Variants in PLCL1 observed in about 807,000 individuals in gnomAD.
PLCL1 encodes phospholipase C like 1 (inactive), also known as inactive phospholipase C-like protein 1.
A neutral mutation model predicts 84.4 loss-of-function variants in PLCL1; 41 were observed. That is an observed-to-expected ratio of 0.49 (90% CI 0.38 to 0.63). The LOEUF (loss-of-function observed/expected upper bound fraction) is 0.63, where lower values mean the gene tolerates loss of function less well. PLCL1 is among the 30% of genes least tolerant of loss of function. PLCL1 has a pLI of 0.00. For missense variants in PLCL1, 1,206 were observed against 1,367.8 expected (o/e 0.88, Z 1.87); for synonymous variants, 490 against 488.3 (o/e 1.00, Z -0.05).
chr2:198,087,354 A>G (rs1053770104), intron 2 of PLCL1, among the ~76,000 whole-genome samples: 1 of 151,542 alleles, frequency 6.6e-6, no homozygotes, highest in African/African-American at 2.4e-5. Flanking sequence ...ACAGTGGTAA[A>G]CTTAAAAAAA....
rs190244675 is a variant in PLCL1, at chr2:198,121,565, C to T, written c.3105+17629C>T. 3.9e-5 allele frequency among the ~76,000 whole-genome samples: 6 copies of T among 152,130 alleles called. No individual in the cohort carries two copies. The East Asian group carries it at 1.2e-3, about 29-fold the overall frequency. ...CCAGCACCATTATTGAAGAGACTGT[C>T]TCTTCCCCATTGTATGTTCGTGGCA... On this transcript the variant is annotated intron_variant, in intron 5 of 5. Coordinates refer to ENST00000428675, the MANE Select transcript of PLCL1 (RefSeq NM_006226.4).
intron 1 of PLCL1, among the ~76,000 whole-genome samples, chr2:198,015,081 A>T (rs1253487178): frequency 6.6e-6 from 1 of 152,144 alleles, no homozygotes; most frequent in Non-Finnish European, 1.5e-5. Context: ...GTGGAAGATA[A>T]AATGAAGAAA....
chr2:198,117,706 C>T (rs992568151), intron 5 of PLCL1, among the ~76,000 whole-genome samples: 2 of 151,834 alleles, frequency 1.3e-5, no homozygotes, highest in African/African-American at 2.4e-5. Context: ...AAAAACAAAG[C>T]TAGCGTATAA....
At chr2:197,845,639 A>G (rs1687105134) in intron 1 of PLCL1, among the ~76,000 whole-genome samples, 3 of 152,106 alleles carry the variant, frequency 2.0e-5, no homozygotes, top group African/African-American at 7.2e-5. Context: ...ATAAACATAT[A>G]TCTTTACCAC....
At chr2:198,068,117 T>A (rs191637064) in intron 1 of PLCL1, among the ~76,000 whole-genome samples, 5 of 152,320 alleles carry the variant, frequency 3.3e-5, no homozygotes, top group Admixed American at 3.3e-4. Context: ...TTAAAGAGAT[T>A]AATTAGAGCT....
At chr2:197,966,801 G>A (rs1018658648) in intron 1 of PLCL1, among the ~76,000 whole-genome samples, 1 of 151,346 alleles carries the variant, frequency 6.6e-6, no homozygotes, top group African/African-American at 2.4e-5. Flanking sequence ...GATGATTGAT[G>A]GAGGCTACTA....
At chr2:198,006,312 G>A (rs1559071601) in intron 1 of PLCL1, among the ~76,000 whole-genome samples, 1 of 152,170 alleles carries the variant, frequency 6.6e-6, no homozygotes, top group Non-Finnish European at 1.5e-5. Context: ...GTGGGCATGT[G>A]TGCTTGCATA....
intron 3 of PLCL1, among the ~76,000 whole-genome samples, chr2:198,096,013 G>C (rs538152080): frequency 6.6e-6 from 1 of 152,180 alleles, no homozygotes; most frequent in African/African-American, 2.4e-5. Flanking sequence ...ATGCCATTTT[G>C]TATATGTCTT....
Position 198,085,811 on chromosome 2 carries a change from G to C in PLCL1, c.2294G>C (p.Arg765Thr), listed in dbSNP as rs752449027. 4 of 1,614,120 alleles carry C rather than the reference G, an allele frequency of 2.5e-6. No individual in the cohort carries two copies. The highest frequency in any genetic ancestry group is 3.4e-6 in the Non-Finnish European group (4 of 1,179,992). ...ATTCCAGCGGATTGTTCGGAACAAA[G>C]AACTAAAACTGTACAGCAAAACAGT... ...HGIPADCSEQ[R>T]TKTVQQNSDN... is the part of the protein sequence containing the mutation. Residue 765 changes from arginine (R) to threonine (T), a missense_variant, in exon 2 of 6, where the codon AGA becomes ACA. Physicochemically the swap from Arg to Thr is moderately conservative, Grantham distance 71. Coordinates refer to ENST00000428675, the MANE Select transcript of PLCL1 (RefSeq NM_006226.4). The surrounding 1 kb of genome is among the most constrained non-coding windows in gnomAD (Gnocchi z 5.3).
At chr2:197,890,845 ACG>A (rs1559036637) in intron 1 of PLCL1, among the ~76,000 whole-genome samples, 14 of 20,180 alleles carry the variant, frequency 6.9e-4, no homozygotes, top group Non-Finnish European at 1.2e-3. Flanking sequence ...ATATATATGC[ACG>A]CATATATATG....
intron 1 of PLCL1, among the ~76,000 whole-genome samples, chr2:198,072,317 T>C (rs1692482431): frequency 6.6e-6 from 1 of 151,846 alleles, no homozygotes; most frequent in Non-Finnish European, 1.5e-5. Context: ...TTAATTTTTC[T>C]ATATTTATAT....
chr2:197,877,881 T>G (rs1687766505), intron 1 of PLCL1, among the ~76,000 whole-genome samples: 2 of 152,130 alleles, frequency 1.3e-5, no homozygotes, highest in Non-Finnish European at 2.9e-5. Context: ...TAAAATTGTG[T>G]GCAAATGTAG....
At chr2:197,829,891 G>A (rs1691019596) in intron 1 of PLCL1, among the ~76,000 whole-genome samples, 1 of 152,050 alleles carries the variant, frequency 6.6e-6, no homozygotes, top group South Asian at 2.1e-4. Context: ...TAATAATTAG[G>A]CAGGGATTAC....
intron 3 of PLCL1, among the ~76,000 whole-genome samples, chr2:198,100,306 G>T (rs1417402004): frequency 2.6e-5 from 4 of 151,998 alleles, no homozygotes; most frequent in African/African-American, 4.8e-5. Flanking sequence ...TCATAAGATA[G>T]AAAATAAAAA....
chr2:197,952,479 G>A (rs142809933), intron 1 of PLCL1, among the ~76,000 whole-genome samples: 4 of 152,212 alleles, frequency 2.6e-5, no homozygotes, highest in Admixed American at 2.6e-4. Flanking sequence ...TTTTGTGGAA[G>A]CAGCACCCAG....
chr2:197,925,087 C>T (rs564675176), intron 1 of PLCL1, among the ~76,000 whole-genome samples: 223 of 152,170 alleles, frequency 1.5e-3, no homozygotes, highest in Non-Finnish European at 2.7e-3. Context: ...CTTTTGTGGA[C>T]ACTGTTGTAG....
intron 1 of PLCL1, among the ~76,000 whole-genome samples, chr2:197,952,985 A>G (rs1343723538): frequency 6.6e-6 from 1 of 152,110 alleles, no homozygotes; most frequent in Non-Finnish European, 1.5e-5. Flanking sequence ...AAACGGACTA[A>G]TACCATGCCT....
At chr2:198,055,352 TGAGAGAGAGAGAAAGAGA>T (rs1424176028) in intron 1 of PLCL1, among the ~76,000 whole-genome samples, 1 of 96,166 alleles carries the variant, frequency 1.0e-5, no homozygotes, top group Non-Finnish European at 2.1e-5. Context: ...TGTCTGTGTA[TGAGAGAGAGAGAAAGAGA>T]GAGAGAGAGA....
Position 198,085,611 on chromosome 2 carries a change from T to A in PLCL1, c.2094T>A (p.Ser698=). The A allele has an allele frequency of 6.2e-7, 1 of 1,614,156 alleles. No individual in the cohort carries two copies. Among genetic ancestry groups the A allele is most frequent in the Non-Finnish European group, 8.5e-7 (1 of 1,180,008 alleles). ...GATGTGGTTATGTTCTAAGGCCGTC[T>A]ATAATGCGAGATGAAGTTTCTTACT... is the stretch of plus-strand genomic sequence containing the variant. The part of the protein sequence containing the change: ...NGGCGYVLRP[S]IMRDEVSYFS... The change falls in exon 2 of 6, where the codon TCT becomes TCA. Residue 698 remains serine (S), a synonymous_variant. Coordinates refer to ENST00000428675, the MANE Select transcript of PLCL1 (RefSeq NM_006226.4). This position sits in a 1 kb window ranked among gnomAD's most constrained non-coding sequence, Gnocchi z 5.3.
Sources: gnomAD v4.1 joint callset for allele counts (sites outside exome capture counted in the v4.1 genomes callset) on GRCh38, gnomAD v4.1.1 for gene constraint, Gnocchi (gnomAD v3.1) non-coding constraint, MANE v1.5 for transcripts, NCBI Gene and HGNC (gene_info 2026-07-23, HGNC 2026-07-21) for gene names.